Variants in CMTM4 observed in about 807,000 individuals in gnomAD.
CMTM4 encodes CKLF-like MARVEL transmembrane domain-containing protein 4.
A neutral mutation model predicts 19.0 loss-of-function variants in CMTM4; 8 were observed. That is an observed-to-expected ratio of 0.42 (90% CI 0.25 to 0.76). The LOEUF is 0.76. CMTM4 is among the 30% of genes least tolerant of loss of function. The pLI, the probability that CMTM4 is intolerant of heterozygous loss-of-function variation, is 0.27. For synonymous variants in CMTM4, 106 were observed against 121.1 expected (o/e 0.88, Z 0.82); for missense variants, 228 against 290.2 (o/e 0.79, Z 1.56).
chr16:66,627,025 C>A (rs1055720830), intron 2 of CMTM4, among the ~76,000 whole-genome samples: 4 of 152,034 alleles, frequency 2.6e-5, no homozygotes, highest in Non-Finnish European at 5.9e-5. Flanking sequence ...ATTGTTTGAG[C>A]CCAGGAGGTC....
chr16:66,608,329 T>A, the CMTM4 span: 1 of 1,614,232 alleles, frequency 6.2e-7, no homozygotes, highest in Non-Finnish European at 8.5e-7. The surrounding 1 kb of genome is among the most constrained non-coding windows in gnomAD (Gnocchi z 5.1). Flanking sequence ...TCATCACTTT[T>A]ATCTGCTATG....
At chr16:66,660,249 G>T (rs890885574) in intron 1 of CMTM4, among the ~76,000 whole-genome samples, 1 of 151,978 alleles carries the variant, frequency 6.6e-6, no homozygotes, top group Non-Finnish European at 1.5e-5. Context: ...TTAGCCAGGC[G>T]TGGTGGCACA....
intron 1 of CMTM4, among the ~76,000 whole-genome samples, chr16:66,689,016 C>T (rs376596285): frequency 2.6e-5 from 4 of 152,230 alleles, no homozygotes; most frequent in African/African-American, 4.8e-5. Context: ...TGCTAACTCA[C>T]TTATTAGTTC....
At chr16:66,637,374 CT>C (rs2016013998) in intron 1 of CMTM4, among the ~76,000 whole-genome samples, 1 of 151,956 alleles carries the variant, frequency 6.6e-6, no homozygotes, top group Non-Finnish European at 1.5e-5. Context: ...GAGAAACCCC[CT>C]CTCTACTAAA....
intron 1 of CMTM4, among the ~76,000 whole-genome samples, chr16:66,682,778 G>A (rs1427775952): frequency 6.6e-6 from 1 of 151,808 alleles, no homozygotes; most frequent in Non-Finnish European, 1.5e-5. Flanking sequence ...TGCCAGTTGT[G>A]ACTTTTTCTT....
rs1213251488 is a variant in CMTM4 at position 66,660,283 on chromosome 16, A to C, written c.187-23702T>G. On this transcript the variant is annotated intron_variant, in intron 1 of 3. Coordinates refer to ENST00000394106, the MANE Select transcript of CMTM4 (RefSeq NM_181521.3). ...CATGTCTGTGGTCTCAGCCTCTTGG[A>C]AGGCAGAGGTAGGAGGATTGCTTGA... 4.6e-5 allele frequency among the ~76,000 whole-genome samples: 7 copies of C among 151,094 alleles called. No individual in the cohort carries two copies. In the Admixed American group the frequency reaches 4.6e-4, roughly 10 times the overall value.
chr16:66,690,737 C>T (rs1413809768), intron 1 of CMTM4, among the ~76,000 whole-genome samples: 1 of 152,088 alleles, frequency 6.6e-6, no homozygotes, highest in East Asian at 1.9e-4. Flanking sequence ...TCATTACTAC[C>T]CATACTGTAC....
At chr16:66,683,161 G>GTATATATATATA (rs201948614) in intron 1 of CMTM4, among the ~76,000 whole-genome samples, 1 of 81,502 alleles carries the variant, frequency 1.2e-5, no homozygotes, top group Non-Finnish European at 2.4e-5. Flanking sequence ...ATATATATAC[G>GTATATATATATA]TATATATATA....
chr16:66,668,076 C>T lies in CMTM4; in HGVS notation c.186+28264G>A, dbSNP rs1412352764. Among the ~76,000 whole-genome samples, 8 of 152,094 alleles carry T rather than the reference C, an allele frequency of 5.3e-5. No individual in the cohort carries two copies. The South Asian group carries it at 1.2e-3, about 24-fold the overall frequency. On this transcript the variant is annotated intron_variant, in intron 1 of 3. Coordinates refer to ENST00000394106, the MANE Select transcript of CMTM4 (RefSeq NM_181521.3). The stretch of plus-strand genomic sequence containing the variant: ...GGAGTACAGTGGCAGAATTATTGCT[C>T]ACTGAAGCCTCCAACTGCTCAGCTC...
intron 1 of CMTM4, among the ~76,000 whole-genome samples, chr16:66,693,790 G>A (rs2017179846): frequency 6.6e-6 from 1 of 152,186 alleles, no homozygotes; most frequent in African/African-American, 2.4e-5. Flanking sequence ...GGAGGCCGAG[G>A]CGGGCAGATG....
At chr16:66,660,716 A>G (rs2016485568) in intron 1 of CMTM4, among the ~76,000 whole-genome samples, 1 of 152,228 alleles carries the variant, frequency 6.6e-6, no homozygotes, top group Admixed American at 6.5e-5. Context: ...AGTAATTTAA[A>G]AACAAGCAAA....
intron 1 of CMTM4, among the ~76,000 whole-genome samples, chr16:66,659,707 A>G (rs902539855): frequency 7.9e-5 from 12 of 152,250 alleles, no homozygotes; most frequent in African/African-American, 2.7e-4. Flanking sequence ...CGTAACTGAT[A>G]GAGATGCATA....
At chr16:66,630,279 A>ACTTTCC in intron 2 of CMTM4, among the ~76,000 whole-genome samples, 1 of 135,356 alleles carries the variant, frequency 7.4e-6, no homozygotes, top group Non-Finnish European at 1.6e-5. Flanking sequence ...AAAACACAAG[A>ACTTTCC]CTTTCCCTCT....
At chr16:66,667,232 G>A (rs780262822) in intron 1 of CMTM4, among the ~76,000 whole-genome samples, 1 of 152,090 alleles carries the variant, frequency 6.6e-6, no homozygotes. Context: ...GGCTAAGGAA[G>A]GAGAATCGCT....
intron 1 of CMTM4, among the ~76,000 whole-genome samples, chr16:66,683,149 A>ATATATACGTATATATATACATG (rs2016953717): frequency 7.9e-6 from 1 of 127,260 alleles, no homozygotes; most frequent in African/African-American, 3.0e-5. Flanking sequence ...ATATATATGT[A>ATATATACGTATATATATACATG]TATATATATA....
chr16:66,694,499 G>A (rs2017194905), intron 1 of CMTM4, among the ~76,000 whole-genome samples: 2 of 152,016 alleles, frequency 1.3e-5, no homozygotes, highest in East Asian at 1.9e-4. Flanking sequence ...CATAAGGTAA[G>A]GAGTTCGAGA....
At chr16:66,611,683 G>A (rs568296743), downstream of CMTM4, among the ~76,000 whole-genome samples, 5 of 152,060 alleles carry the variant, frequency 3.3e-5, no homozygotes, top group Non-Finnish European at 7.4e-5. Context: ...GGGGTTGGGG[G>A]TTAGTGACTC....
Position 66,616,962 on chromosome 16 carries a change from C to A in CMTM4, c.*5096G>T. 4.7e-6 allele frequency: 1 copy of A among 212,646 alleles called. No homozygotes were observed. Among genetic ancestry groups the A allele is most frequent in the Non-Finnish European group, 9.3e-6 (1 of 107,124 alleles). The allele number at this position is 212,646 out of a possible 1,614,324, so 13.2% of individuals were successfully genotyped here. A position where few individuals can be genotyped will look rare whatever the true frequency, so the allele number is the denominator to read the frequency against. On this transcript the variant is annotated 3_prime_UTR_variant, in exon 4 of 4. Coordinates refer to ENST00000394106, the MANE Select transcript of CMTM4 (RefSeq NM_181521.3). ...CCATTATCAGAATCTTGTTTCACAC[C>A]ATCTCTCTTTTCAGGCAGTTATGAA...
chr16:66,636,332 A>C, intron 2 of CMTM4, 73 bp downstream of exon 2: 7 of 1,225,688 alleles, frequency 5.7e-6, no homozygotes, highest in African/African-American at 1.5e-5. Flanking sequence ...CATGACCTGG[A>C]GAGATTCCAG....
Sources: gnomAD v4.1 joint callset for allele counts (sites outside exome capture counted in the v4.1 genomes callset) on GRCh38, gnomAD v4.1.1 for gene constraint, Gnocchi (gnomAD v3.1) non-coding constraint, MANE v1.5 for transcripts, NCBI Gene and HGNC (gene_info 2026-07-23, HGNC 2026-07-21) for gene names.